The following NCAPD3 variants were observed in gnomAD, a reference collection of about 807,000 sequenced individuals.
NCAPD3 encodes the protein non-SMC condensin II complex subunit D3.
A neutral mutation model predicts 182.9 loss-of-function variants in NCAPD3; 105 were observed. The observed-to-expected ratio is 0.57, with a 90% CI of 0.49 to 0.68. The LOEUF (loss-of-function observed/expected upper bound fraction) is 0.68. NCAPD3 is among the 30% of genes least tolerant of loss of function. The pLI is 0.00. For missense variants in NCAPD3, 1,944 were observed against 1,837.0 expected (o/e 1.06, Z -1.07); for synonymous variants, 815 against 679.9 (o/e 1.20, Z -3.09).
At chr11:134,185,578 T>C (rs768457785) in intron 16 of NCAPD3, 52 bp from the exon 17 acceptor site, 2 of 1,435,552 alleles carry the variant, frequency 1.4e-6, no homozygotes, top group East Asian at 2.3e-5. Flanking sequence ...ATATACAAAA[T>C]GATTCAGATG....
intron 1 of NCAPD3, among the ~76,000 whole-genome samples, chr11:134,221,891 T>TCCA (rs1938244118): frequency 6.6e-6 from 1 of 152,214 alleles, no homozygotes; most frequent in African/African-American, 2.4e-5. Context: ...CAGCATTCCT[T>TCCA]CCAAAGACAT....
intron 19 of NCAPD3, 72 bp from the exon 20 acceptor site, chr11:134,181,256 T>C (rs780447321): frequency 1.6e-4 from 160 of 983,346 alleles, no homozygotes; most frequent in Admixed American, 8.2e-5. Flanking sequence ...CACCATGTTC[T>C]CAGAAGAAAC....
intron 28 of NCAPD3, among the ~76,000 whole-genome samples, chr11:134,160,874 G>A (rs949702359): frequency 2.3e-4 from 35 of 151,764 alleles, no homozygotes; most frequent in African/African-American, 7.8e-4. Flanking sequence ...CTGTGTGTGT[G>A]CTCACAAGCA....
rs905209397 is a variant in NCAPD3 at position 134,180,364 on chromosome 11, G to T, written c.2559+713C>A. 2.6e-5 allele frequency among the ~76,000 whole-genome samples: 4 copies of T among 152,194 alleles called. No individual in the cohort carries two copies. In the East Asian group the frequency reaches 7.7e-4, roughly 29 times the overall value. On this transcript the variant is annotated intron_variant, in intron 20 of 34. Coordinates refer to ENST00000534548, the MANE Select transcript of NCAPD3 (RefSeq NM_015261.3). ...TTTAAACATATGAGAAAAATGGCCC[G>T]TTTTGGTTAAATAATGATCTGTGCT...
chr11:134,165,911 G>C (rs1277671944), intron 27 of NCAPD3, among the ~76,000 whole-genome samples: 2 of 127,858 alleles, frequency 1.6e-5, no homozygotes, highest in Non-Finnish European at 1.7e-5. Context: ...ACACTCACTA[G>C]TGAGATGAGC....
In NCAPD3 at chr11:134,168,163, G is replaced by A. The variant is rs760859977; in HGVS notation, c.3406C>T (p.Leu1136=). 1 of 1,614,126 alleles carries A rather than the reference G, an allele frequency of 6.2e-7. No individual in the cohort carries two copies. Among genetic ancestry groups the A allele is most frequent in the Non-Finnish European group, 8.5e-7 (1 of 1,179,978 alleles). ...TCTGAGAGTAACTCACTGGCGTCCA[G>A]GTCCAGGGGTAGGATGCCATCAGCA... ...CFADGILPLD[L]DASELLSDTF... Residue 1136 remains leucine, a synonymous_variant, in exon 27 of 35, where the codon CTG becomes TTG. Transcript: ENST00000534548.
chr11:134,204,993 C>T lies in NCAPD3; in HGVS notation c.1017-22G>A, dbSNP rs767243435. ...GGCGCTTTGTAAAAGAAAAACACAT[C>T]TACTGTTCACAATACAGTCAGCGAC... On this transcript the variant is annotated intron_variant, in intron 8 of 34. Transcript: ENST00000534548. This position sits in a 1 kb window ranked among gnomAD's most constrained non-coding sequence, Gnocchi z 4.3. The T allele has an allele frequency of 6.3e-6, 10 of 1,584,326 alleles. No homozygotes were observed. The South Asian group carries it at 7.7e-5, about 12-fold the overall frequency.
In NCAPD3 at chr11:134,191,622, A is replaced by G. The variant is rs73042034; in HGVS notation, c.2045+1067T>C. On this transcript the variant is annotated intron_variant, in intron 16 of 34. Coordinates refer to ENST00000534548, the MANE Select transcript of NCAPD3 (RefSeq NM_015261.3). The stretch of plus-strand genomic sequence containing the variant: ...ACTACCTTTCATTACATTAACATGA[A>G]TTAATACATAGAGCATGCATAAGGA... Among the ~76,000 whole-genome samples, 307 of 152,050 alleles carry G rather than the reference A, an allele frequency of 2.0e-3. 2 individuals are homozygous for G. The highest frequency in any genetic ancestry group is 3.4e-3 in the Non-Finnish European group (231 of 67,922).
At chr11:134,212,850 A>G (rs576420449) in intron 3 of NCAPD3, among the ~76,000 whole-genome samples, 5 of 152,376 alleles carry the variant, frequency 3.3e-5, no homozygotes, top group African/African-American at 9.6e-5. Flanking sequence ...ACCAAAAGAG[A>G]CAAGGGATAC....
At chr11:134,219,133 A>G (rs1938134228) in intron 2 of NCAPD3, among the ~76,000 whole-genome samples, 2 of 152,074 alleles carry the variant, frequency 1.3e-5, no homozygotes, top group Admixed American at 1.3e-4. Context: ...GCCTCTTGAC[A>G]CTTCCTGCGT....
intron 20 of NCAPD3, among the ~76,000 whole-genome samples, chr11:134,179,826 A>G (rs2135978904): frequency 6.6e-6 from 1 of 152,334 alleles, no homozygotes; most frequent in African/African-American, 2.4e-5. Context: ...AATGTCAAAT[A>G]AAAGCTTATT....
intron 32 of NCAPD3, 65 bp from the exon 33 acceptor site, chr11:134,153,428 T>C: frequency 6.5e-7 from 1 of 1,527,124 alleles, no homozygotes; most frequent in Non-Finnish European, 9.1e-7. Context: ...CTGTTCTAGT[T>C]GTCCGTGGGA....
chr11:134,156,876 T>C lies in NCAPD3; in HGVS notation c.4252+142A>G, dbSNP rs1943435327. On this transcript the variant is annotated intron_variant, in intron 32 of 34. Coordinates refer to ENST00000534548, the MANE Select transcript of NCAPD3 (RefSeq NM_015261.3). ...TCAAGCGACCGTGGTCACTGTGAAA[T>C]ACTCCACCTCAGCAATGCACTCATG... The C allele has an allele frequency of 2.0e-5, 14 of 700,206 alleles. No individual in the cohort carries two copies. The South Asian group carries it at 2.6e-4, about 13-fold the overall frequency. 43.4% of individuals were successfully genotyped at this position (700,206 alleles called of 1,614,324 possible). A position where few individuals can be genotyped will look rare whatever the true frequency, so the allele number is the denominator to read the frequency against.
chr11:134,169,372 G>C (rs890104565), intron 24 of NCAPD3, among the ~76,000 whole-genome samples: 1 of 152,326 alleles, frequency 6.6e-6, no homozygotes, highest in African/African-American at 2.4e-5. Flanking sequence ...CCCCAAAGCT[G>C]CTTCTGCAAT....
In NCAPD3 at chr11:134,151,339, A is replaced by T. The variant is rs1243750454; in HGVS notation, c.*1605T>A. Reference sequence around the variant, plus strand: ...CTGCATGGCATCCTGGATGCTTAGCATGCAAGTTCCCTCCATCATTGCCAC... The same window carrying T: ...CTGCATGGCATCCTGGATGCTTAGCTTGCAAGTTCCCTCCATCATTGCCAC... On this transcript the variant is annotated 3_prime_UTR_variant, in exon 35 of 35. Coordinates refer to ENST00000534548, the MANE Select transcript of NCAPD3 (RefSeq NM_015261.3). 1 of 152,190 alleles carries T rather than the reference A, an allele frequency of 6.6e-6. No homozygotes were observed. The highest frequency in any genetic ancestry group is 1.5e-5 in the Non-Finnish European group (1 of 68,030). 9.4% of individuals were successfully genotyped at this position (152,190 alleles called of 1,614,324 possible). A position where few individuals can be genotyped will look rare whatever the true frequency, so the allele number is the denominator to read the frequency against.
chr11:134,207,501 A>T lies in NCAPD3; in HGVS notation c.883-769T>A, dbSNP rs572453472. Among the ~76,000 whole-genome samples the T allele has an allele frequency of 2.6e-5, 4 of 152,302 alleles. No homozygotes were observed. The South Asian group carries it at 8.3e-4, about 32-fold the overall frequency. On this transcript the variant is annotated intron_variant, in intron 7 of 34. Coordinates refer to ENST00000534548, the MANE Select transcript of NCAPD3 (RefSeq NM_015261.3). ...AGTGGCTCACGCCTGTAATTCCAGC[A>T]CTTTGGGAAACCAAGGAGGGTGGAT...
rs1254220423 is a variant in NCAPD3 at position 134,194,747 on chromosome 11, G to A, written c.1616-9C>T. 1 of 1,588,952 alleles carries A rather than the reference G, an allele frequency of 6.3e-7. No homozygotes were observed. Reference sequence around the variant, plus strand: ...TGCCATGACACATCTTTCTGTAGAGGGAATACCAAAGGGTCATCACAGCTG... The same window carrying A: ...TGCCATGACACATCTTTCTGTAGAGAGAATACCAAAGGGTCATCACAGCTG... On this transcript the variant is annotated splice_polypyrimidine_tract_variant and intron_variant, in intron 13 of 34. Coordinates refer to ENST00000534548, the MANE Select transcript of NCAPD3 (RefSeq NM_015261.3).
chr11:134,178,776 C>T (rs756504547), intron 21 of NCAPD3, 35 bp from the exon 22 acceptor site: 1 of 1,608,436 alleles, frequency 6.2e-7, no homozygotes, highest in Non-Finnish European at 8.5e-7. Flanking sequence ...CCGACAGAAC[C>T]TTGAAACGGC....
At chr11:134,162,151 G>C (rs1241591266) in intron 27 of NCAPD3, among the ~76,000 whole-genome samples, 3 of 152,172 alleles carry the variant, frequency 2.0e-5, no homozygotes, top group African/African-American at 7.2e-5. Context: ...AAAAGAATTA[G>C]AAACATGTTG....
Sources: allele counts gnomAD v4.1 joint callset (sites outside exome capture counted in the v4.1 genomes callset), GRCh38; gene constraint gnomAD v4.1.1; non-coding constraint Gnocchi (gnomAD v3.1); transcripts MANE v1.5; gene names NCBI Gene and HGNC (gene_info 2026-07-23, HGNC 2026-07-21).